The following SCML4 variants were observed in gnomAD, a reference collection of about 807,000 sequenced individuals.
SCML4 encodes the protein sex comb on midleg-like protein 4.
In SCML4, 34 loss-of-function variants were observed where a neutral mutation model predicts 41.1. The ratio of observed to expected loss-of-function variants is 0.83; its 90% confidence interval spans 0.63 to 1.10. The LOEUF (loss-of-function observed/expected upper bound fraction) is 1.10. SCML4 is among the 50% of genes least tolerant of loss of function. The probability of loss-of-function intolerance (pLI) is 0.00; values close to 1 mark genes in which losing one functional copy is unlikely to be tolerated. For missense variants in SCML4, 522 were observed against 534.1 expected, an observed-to-expected ratio of 0.98 and a Z score of 0.22; for synonymous variants, 214 against 220.9, an observed-to-expected ratio of 0.97 and a Z score of 0.28.
chr6:107,764,176 T>C (rs1486473941), intron 2 of SCML4, among the ~76,000 whole-genome samples: 2 of 152,210 alleles, frequency 1.3e-5, no homozygotes, highest in African/African-American at 4.8e-5. Flanking sequence ...AGTGATCTAA[T>C]TCCATTCCTA....
At chr6:107,841,278 T>C in the SCML4 span, among the ~76,000 whole-genome samples, 80 of 152,270 alleles carry the variant, frequency 5.3e-4, no homozygotes, top group South Asian at 7.7e-3. Context: ...TGGCCAACAC[T>C]GGAAGACCTC....
At chr6:107,757,402 T>C (rs1779202851) in intron 2 of SCML4, among the ~76,000 whole-genome samples, 1 of 152,154 alleles carries the variant, frequency 6.6e-6, no homozygotes, top group African/African-American at 2.4e-5. Flanking sequence ...TTTGACAGAC[T>C]GGTAGCAAGA....
intron 3 of SCML4, among the ~76,000 whole-genome samples, chr6:107,748,475 T>G (rs1276933734): frequency 6.6e-6 from 1 of 152,196 alleles, no homozygotes; most frequent in African/African-American, 2.4e-5. Flanking sequence ...ACTGATTTAC[T>G]AATGAAGAAA....
rs1779162703 is a variant in SCML4, at chr6:107,756,942, C to G, written c.157-7129G>C. On this transcript the variant is annotated intron_variant, in intron 2 of 7. Transcript: ENST00000369020. ...AATCCTGGGCCTTCAAAGCCAACATCCCTGCCCAAATGCTAGTGCAGTTGC... is the reference window on the plus strand; with the variant it reads ...AATCCTGGGCCTTCAAAGCCAACATGCCTGCCCAAATGCTAGTGCAGTTGC... Among the ~76,000 whole-genome samples the G allele has an allele frequency of 2.6e-5, 4 of 152,308 alleles. No homozygotes were observed. In the South Asian group the frequency reaches 8.3e-4, roughly 32 times the overall value.
chr6:107,844,452 C>T, the SCML4 span, among the ~76,000 whole-genome samples: 6 of 152,234 alleles, frequency 3.9e-5, no homozygotes, highest in South Asian at 2.1e-4. Flanking sequence ...AATCCCAACA[C>T]GCTGGAAGGC....
chr6:107,753,531 T>G (rs368113931), intron 2 of SCML4, among the ~76,000 whole-genome samples: 1 of 152,194 alleles, frequency 6.6e-6, no homozygotes, highest in South Asian at 2.1e-4. Flanking sequence ...ATGAAAATGT[T>G]CTGGAGATTG....
At chr6:107,832,740 G>A in the SCML4 span, among the ~76,000 whole-genome samples, 1 of 152,200 alleles carries the variant, frequency 6.6e-6, no homozygotes, top group Non-Finnish European at 1.5e-5. Flanking sequence ...AGAAGCAACT[G>A]ACTAGTAGAA....
intron 6 of SCML4, among the ~76,000 whole-genome samples, chr6:107,712,682 T>C (rs1774346471): frequency 6.6e-6 from 1 of 152,098 alleles, no homozygotes; most frequent in Non-Finnish European, 1.5e-5. Context: ...CCAAAGCACA[T>C]AGATTCGCTT....
chr6:107,720,648 GC>G, intron 6 of SCML4, 54 bp downstream of exon 6: 1 of 1,464,852 alleles, frequency 6.8e-7, no homozygotes, highest in Non-Finnish European at 9.1e-7. Context: ...TGTGCTCCCC[GC>G]GCAAGGGCAA....
the SCML4 span, among the ~76,000 whole-genome samples, chr6:107,842,204 T>C: frequency 6.6e-6 from 1 of 152,226 alleles, no homozygotes; most frequent in African/African-American, 2.4e-5. Flanking sequence ...TGTTGTTTAA[T>C]TTCCAAATAT....
chr6:107,803,730 C>T (rs1339881818), intron 1 of SCML4, among the ~76,000 whole-genome samples: 1 of 149,618 alleles, frequency 6.7e-6, no homozygotes, highest in African/African-American at 2.5e-5. Context: ...CCTTGGGATC[C>T]TGTTGATCTG....
At chr6:107,833,758 A>C in the SCML4 span, among the ~76,000 whole-genome samples, 1 of 152,098 alleles carries the variant, frequency 6.6e-6, no homozygotes, top group South Asian at 2.1e-4. Flanking sequence ...ATTAGAAAAA[A>C]ATTTTTTACA....
At chr6:107,845,257 GT>G in the SCML4 span, among the ~76,000 whole-genome samples, 1 of 152,040 alleles carries the variant, frequency 6.6e-6, no homozygotes, top group Admixed American at 6.6e-5. Context: ...CCCCAACATA[GT>G]AACACAAAGG....
At chr6:107,840,577 C>T in the SCML4 span, among the ~76,000 whole-genome samples, 1 of 152,272 alleles carries the variant, frequency 6.6e-6, no homozygotes, top group South Asian at 2.1e-4. Flanking sequence ...CCTCACGGAG[C>T]TTAATTTCTA....
At chr6:107,826,919 T>C (rs1022497366), upstream of SCML4, among the ~76,000 whole-genome samples, 72 of 151,804 alleles carry the variant, frequency 4.7e-4, no homozygotes, top group Middle Eastern at 3.4e-3. Flanking sequence ...AAAAATTAGC[T>C]GGGAGTGGTG....
chr6:107,746,504 C>A (rs1479092920), intron 4 of SCML4, 185 bp downstream of exon 4: 12 of 522,132 alleles, frequency 2.3e-5, no homozygotes, highest in Admixed American at 1.5e-4. Context: ...CTTACCCGGG[C>A]ATGGAATCAT....
the SCML4 span, among the ~76,000 whole-genome samples, chr6:107,840,302 T>C: frequency 7.9e-5 from 12 of 152,298 alleles, no homozygotes; most frequent in Non-Finnish European, 1.5e-4. Context: ...ATATTAATGA[T>C]TGGGTTCTGG....
At chr6:107,814,430 T>C (rs1337748304) in intron 1 of SCML4, among the ~76,000 whole-genome samples, 1 of 152,242 alleles carries the variant, frequency 6.6e-6, no homozygotes, top group Non-Finnish European at 1.5e-5. Context: ...TGACATGGAA[T>C]GGTGATGTTT....
At chr6:107,757,283 T>C (rs1760309418) in intron 2 of SCML4, among the ~76,000 whole-genome samples, 1 of 152,182 alleles carries the variant, frequency 6.6e-6, no homozygotes, top group African/African-American at 2.4e-5. Context: ...GAAACGGAGA[T>C]GTGCGGTCAA....
Sources: allele counts gnomAD v4.1 joint callset (sites outside exome capture counted in the v4.1 genomes callset), GRCh38; gene constraint gnomAD v4.1.1; transcripts MANE v1.5; gene names NCBI Gene and HGNC (gene_info 2026-07-23, HGNC 2026-07-21).